TEX26: variants seen among roughly 807,000 people sequenced by gnomAD.
TEX26 encodes testis expressed 26.
A neutral mutation model predicts 35.3 loss-of-function variants in TEX26; 34 were observed. The observed-to-expected ratio is 0.96, with a 90% CI of 0.73 to 1.28. The LOEUF (loss-of-function observed/expected upper bound fraction) is 1.28. Among genes scored for constraint, TEX26 ranks in the 50% most tolerant of loss-of-function variants. The probability of loss-of-function intolerance (pLI) is 0.00; values close to 1 mark genes in which losing one functional copy is unlikely to be tolerated. For synonymous variants in TEX26, 136 were observed against 111.8 expected, an observed-to-expected ratio of 1.22 and a Z score of -1.36; for missense variants, 371 against 330.1, an observed-to-expected ratio of 1.12 and a Z score of -0.96.
At chr13:30,953,870 C>A (rs1037244048) in intron 3 of TEX26, among the ~76,000 whole-genome samples, 1 of 152,160 alleles carries the variant, frequency 6.6e-6, no homozygotes, top group Non-Finnish European at 1.5e-5. Flanking sequence ...GGGATGGAGC[C>A]ACCTTGATGC....
At position 30,963,179 on chromosome 13, in the gene TEX26, C is replaced by T. The variant is rs965435835; in HGVS notation, c.470-3043C>T. ...GCTGAAGACTTACTTTTGGTTTGGGCCTTTCTGCAGATGCCATACCTAATC... is the reference window on the plus strand; with the variant it reads ...GCTGAAGACTTACTTTTGGTTTGGGTCTTTCTGCAGATGCCATACCTAATC... On this transcript the variant is annotated intron_variant, in intron 4 of 6. Coordinates refer to ENST00000380473, the MANE Select transcript of TEX26 (RefSeq NM_152325.3). 3.9e-5 allele frequency among the ~76,000 whole-genome samples: 6 copies of T among 152,176 alleles called. No individual in the cohort carries two copies. In the South Asian group the frequency reaches 1.2e-3, roughly 32 times the overall value.
rs1261931373 is a variant in TEX26, at chr13:30,932,930, T to C, written c.61+154T>C. On this transcript the variant is annotated intron_variant, in intron 1 of 6. Coordinates refer to ENST00000380473, the MANE Select transcript of TEX26 (RefSeq NM_152325.3). ...GGAAAAGACGGGGAGTCAGGGAGAA[T>C]GACAGGGCCTTCATGACGCTGCCCC... 25 of 756,694 alleles carry C rather than the reference T, an allele frequency of 3.3e-5. No homozygotes were observed. The East Asian group carries it at 6.6e-4, about 20-fold the overall frequency. 46.9% of individuals were successfully genotyped at this position (756,694 alleles called of 1,614,324 possible).
intron 4 of TEX26, among the ~76,000 whole-genome samples, chr13:30,963,779 C>T (rs925759808): frequency 6.6e-6 from 1 of 152,192 alleles, no homozygotes; most frequent in African/African-American, 2.4e-5. Flanking sequence ...GTGAGATCTA[C>T]AGTCCCAAGT....
rs772654047 is a variant in TEX26 at position 30,974,880 on chromosome 13, C to T, written c.843C>T (p.His281=). Reference sequence around the variant, plus strand: ...TTATTGATCGCTTTATTCGTACTCACTGTGACACTAACAAAAAGAAGAAAT... The same window carrying T: ...TTATTGATCGCTTTATTCGTACTCATTGTGACACTAACAAAAAGAAGAAAT... The part of the protein sequence containing the change: ...RQIIDRFIRT[H]CDTNKKKK Residue 281 remains histidine (H), a synonymous_variant, in exon 7 of 7, where the codon CAC becomes CAT. Transcript: ENST00000380473. 1.3e-6 allele frequency: 2 copies of T among 1,565,632 alleles called. No individual in the cohort carries two copies. Among genetic ancestry groups the T allele is most frequent in the African/African-American group, 2.8e-5 (2 of 72,242 alleles).
intron 2 of TEX26, among the ~76,000 whole-genome samples, chr13:30,950,555 T>C (rs1394464141): frequency 6.6e-6 from 1 of 152,152 alleles, no homozygotes; most frequent in Non-Finnish European, 1.5e-5. Flanking sequence ...GCATTCTACA[T>C]CCTCTCTTCT....
At position 30,932,826 on chromosome 13, in the gene TEX26, CG is replaced by C. The variant is rs1216015622; in HGVS notation, c.61+54del. Reference sequence around the variant, plus strand: ...TGCGGGGCGGGGCTGGGGTCTTTCCCGGGGAAAGGGTCCTGTTGAGAAAAAG... The same window carrying C: ...TGCGGGGCGGGGCTGGGGTCTTTCCCGGGAAAGGGTCCTGTTGAGAAAAAG... On this transcript the variant is annotated intron_variant, in intron 1 of 6. Transcript: ENST00000380473. The C allele has an allele frequency of 5.0e-6, 8 of 1,591,880 alleles. No individual in the cohort carries two copies. In the African/African-American group the frequency reaches 8.1e-5, roughly 16 times the overall value.
intron 1 of TEX26, among the ~76,000 whole-genome samples, chr13:30,939,232 C>T (rs9548848): frequency 0.18 from 27,810 of 152,116 alleles, 3,239 homozygotes; most frequent in East Asian, 0.38. Context: ...AGGAGAGTGG[C>T]AATGGCAGGG....
intron 6 of TEX26, among the ~76,000 whole-genome samples, chr13:30,971,901 C>T (rs1954724633): frequency 6.6e-6 from 1 of 152,208 alleles, no homozygotes; most frequent in Non-Finnish European, 1.5e-5. Flanking sequence ...CCCATCTCTT[C>T]CTCCAACTGA....
At chr13:30,967,170 G>C (rs1056176907) in intron 5 of TEX26, among the ~76,000 whole-genome samples, 2 of 152,184 alleles carry the variant, frequency 1.3e-5, no homozygotes. Context: ...CAAGCTACTA[G>C]TTAAACAGAA....
intron 1 of TEX26, among the ~76,000 whole-genome samples, chr13:30,939,470 G>T (rs1417372667): frequency 6.6e-6 from 1 of 152,144 alleles, no homozygotes; most frequent in Admixed American, 6.5e-5. Context: ...ATGCATGAAT[G>T]CTCAGGAGAA....
At position 30,952,617 on chromosome 13, in the gene TEX26, GTATT is replaced by G. The variant is rs749411105; in HGVS notation, c.147-40_147-37del. On this transcript the variant is annotated intron_variant, in intron 2 of 6. Coordinates refer to ENST00000380473, the MANE Select transcript of TEX26 (RefSeq NM_152325.3). ...GACATGTGTACTTTTGTGAGATTTGGTATTTAACCTCTAACTCTAATTTCTGCTG... is the reference window on the plus strand; with the variant it reads ...GACATGTGTACTTTTGTGAGATTTGGTAACCTCTAACTCTAATTTCTGCTG... 5 of 1,496,868 alleles carry G rather than the reference GTATT, an allele frequency of 3.3e-6. No individual in the cohort carries two copies. The South Asian group carries it at 6.7e-5, about 20-fold the overall frequency. 92.7% of individuals were successfully genotyped at this position (1,496,868 alleles called of 1,614,324 possible).
chr13:30,956,363 G>A (rs1484775045), intron 3 of TEX26, among the ~76,000 whole-genome samples: 1 of 151,898 alleles, frequency 6.6e-6, no homozygotes, highest in South Asian at 2.1e-4. Flanking sequence ...TTTTATGGCT[G>A]CATAGTATTC....
intron 1 of TEX26, among the ~76,000 whole-genome samples, chr13:30,937,217 C>T (rs1411889244): frequency 6.6e-6 from 1 of 152,098 alleles, no homozygotes; most frequent in Non-Finnish European, 1.5e-5. Context: ...AGGCACCTGG[C>T]AATTGGTGAC....
In TEX26 at chr13:30,966,282, C is replaced by T. The variant is rs748588963; in HGVS notation, c.530C>T (p.Pro177Leu). ...SLEWKKLLPQ[P>L]PDTEFRRNYQ... ...GAATGGAAAAAGTTACTTCCCCAAC[C>T]TCCAGACACTGAATTCCGAAGGAAT... is the stretch of plus-strand genomic sequence containing the variant. The change falls in exon 5 of 7, where the codon CCT (proline) becomes CTT (leucine). Residue 177 changes from proline (P) to leucine (L), a missense_variant. Physicochemically the swap from Pro to Leu is moderately conservative, Grantham distance 98. Transcript: ENST00000380473. 7 of 1,614,086 alleles carry T rather than the reference C, an allele frequency of 4.3e-6. No individual in the cohort carries two copies. Among genetic ancestry groups the T allele is most frequent in the South Asian group, 1.1e-5 (1 of 91,072 alleles).
intron 4 of TEX26, among the ~76,000 whole-genome samples, 160 bp downstream of exon 4, chr13:30,957,189 C>T (rs770630354): frequency 1.3e-5 from 2 of 152,070 alleles, no homozygotes; most frequent in Non-Finnish European, 2.9e-5. Flanking sequence ...TAAAAAGGTG[C>T]ACCTTGTGGG....
At position 30,957,293 on chromosome 13, in the gene TEX26, G is replaced by A. The variant is rs375690264; in HGVS notation, c.469+264G>A. 1.6e-3 allele frequency among the ~76,000 whole-genome samples: 239 copies of A among 152,276 alleles called. 9 individuals are homozygous for A. The South Asian group carries it at 0.048, about 30-fold the overall frequency. ...TTCCCTGCCTGGCCCAAAGGATGAA[G>A]AGGAATTAGCCAGGCAAAGAGGTAG... On this transcript the variant is annotated intron_variant, in intron 4 of 6. Coordinates refer to ENST00000380473, the MANE Select transcript of TEX26 (RefSeq NM_152325.3).
At chr13:30,946,671 C>T (rs916265730) in intron 2 of TEX26, among the ~76,000 whole-genome samples, 3 of 151,868 alleles carry the variant, frequency 2.0e-5, no homozygotes, top group Admixed American at 2.0e-4. Flanking sequence ...TTTATTACAG[C>T]CTAATTTGGC....
chr13:30,956,578 G>T (rs1363537384), intron 3 of TEX26, among the ~76,000 whole-genome samples: 1 of 152,166 alleles, frequency 6.6e-6, no homozygotes, highest in Non-Finnish European at 1.5e-5. Flanking sequence ...ATTAACATGG[G>T]TTATTTCTTC....
Position 30,952,651 on chromosome 13 carries a change from T to A in TEX26, c.147-9T>A. ...CTCTAACTCTAATTTCTGCTGGGTT[T>A]TTTTATAGCCAAAACGGTATCAGAA... is the stretch of plus-strand genomic sequence containing the variant. On this transcript the variant is annotated splice_polypyrimidine_tract_variant and intron_variant, in intron 2 of 6. Coordinates refer to ENST00000380473, the MANE Select transcript of TEX26 (RefSeq NM_152325.3). 6.4e-7 allele frequency: 1 copy of A among 1,563,150 alleles called. No individual in the cohort carries two copies. The highest frequency in any genetic ancestry group is 1.3e-5 in the South Asian group (1 of 78,396).
Sources: gnomAD v4.1 joint callset for allele counts (sites outside exome capture counted in the v4.1 genomes callset) on GRCh38, gnomAD v4.1.1 for gene constraint, MANE v1.5 for transcripts, NCBI Gene and HGNC (gene_info 2026-07-23, HGNC 2026-07-21) for gene names.